The following ALKBH8 variants were observed in gnomAD, a reference collection of about 807,000 sequenced individuals.
The protein encoded by ALKBH8 is alkB homolog 8, tRNA methyltransferase.
ALKBH8 carries 36 observed loss-of-function variants against 59.8 expected under a neutral mutation model. The ratio of observed to expected loss-of-function variants is 0.60; its 90% CI spans 0.46 to 0.79. ALKBH8 has a LOEUF of 0.79. Ranked by LOEUF, ALKBH8 falls within the 30% of genes least tolerant of loss-of-function variation. The pLI, the probability that ALKBH8 is intolerant of heterozygous loss-of-function variation, is 0.00. For missense variants in ALKBH8, 768 were observed against 801.0 expected (o/e 0.96, Z 0.50); for synonymous variants, 276 against 273.6 (o/e 1.01, Z -0.09).
intron 10 of ALKBH8, among the ~76,000 whole-genome samples, chr11:107,514,288 T>G (rs1026335887): frequency 6.6e-6 from 1 of 152,024 alleles, no homozygotes; most frequent in Non-Finnish European, 1.5e-5. Context: ...CATTACAGAG[T>G]TTATGTTATA....
At chr11:107,539,106 T>TC (rs1863934517) in intron 7 of ALKBH8, among the ~76,000 whole-genome samples, 1 of 152,166 alleles carries the variant, frequency 6.6e-6, no homozygotes, top group African/African-American at 2.4e-5. Flanking sequence ...AAGAGGAAAT[T>TC]CCACAAAAGG....
At chr11:107,562,918 T>TGAGG (rs1864994563) in intron 1 of ALKBH8, 1 of 152,042 alleles carries the variant, frequency 6.6e-6, no homozygotes, top group South Asian at 2.1e-4. Flanking sequence ...TACCCAGATA[T>TGAGG]GAGGGAGACA....
At chr11:107,510,774 AAG>A in intron 11 of ALKBH8, 111 bp downstream of exon 11, 2 of 1,143,526 alleles carry the variant, frequency 1.7e-6, no homozygotes, top group Non-Finnish European at 2.4e-6. Flanking sequence ...GTGACAAGAA[AAG>A]AGAACGGAAA....
At chr11:107,549,724 G>C in intron 7 of ALKBH8, 29 bp downstream of exon 7, 1 of 1,455,272 alleles carries the variant, frequency 6.9e-7, no homozygotes, top group Non-Finnish European at 9.4e-7. Context: ...TAAGATATAT[G>C]ATGATAGCTA....
At position 107,522,495 on chromosome 11, in the gene ALKBH8, T is replaced by C; in HGVS notation, c.1091A>G (p.Asp364Gly). 1.3e-6 allele frequency: 2 copies of C among 1,551,694 alleles called. No homozygotes were observed. The highest frequency in any genetic ancestry group is 1.7e-6 in the Non-Finnish European group (2 of 1,146,976). The change falls in exon 10 of 12, where the codon GAT becomes GGT. Residue 364 changes from aspartate (D) to glycine (G), a missense_variant. Coordinates refer to ENST00000428149, the MANE Select transcript of ALKBH8 (RefSeq NM_138775.3). Reference sequence around the variant, plus strand: ...TTGCTCCAGCCGTGAGGCTTCTTTATCACTCTCTGGAAATGAGGGGGGAGT... The same window carrying C: ...TTGCTCCAGCCGTGAGGCTTCTTTACCACTCTCTGGAAATGAGGGGGGAGT... Reference protein sequence around the residue: ...KETPPSFPESDKEASRLEQEY... With the variant: ...KETPPSFPESGKEASRLEQEY...
At chr11:107,539,366 A>G (rs936748679) in intron 7 of ALKBH8, among the ~76,000 whole-genome samples, 8 of 152,134 alleles carry the variant, frequency 5.3e-5, no homozygotes, top group Admixed American at 3.3e-4. Context: ...TTGGGAGGCC[A>G]AGGTGGGCAG....
chr11:107,540,100 T>C (rs537513682), intron 7 of ALKBH8, among the ~76,000 whole-genome samples: 1 of 152,132 alleles, frequency 6.6e-6, no homozygotes, highest in African/African-American at 2.4e-5. Flanking sequence ...AGGCAGAACA[T>C]CGTTTGCCTC....
At chr11:107,525,350 G>GA (rs1330852594) in intron 9 of ALKBH8, 91 bp downstream of exon 9, 88 of 1,210,534 alleles carry the variant, frequency 7.3e-5, no homozygotes, top group Admixed American at 1.4e-4. Context: ...GAGAGATTCA[G>GA]AAAAAGCTCT....
intron 2 of ALKBH8, among the ~76,000 whole-genome samples, chr11:107,558,529 C>T (rs1212488992): frequency 6.6e-6 from 1 of 152,068 alleles, no homozygotes. Context: ...GGGTCCACTA[C>T]CCCATCTAGG....
intron 7 of ALKBH8, among the ~76,000 whole-genome samples, chr11:107,536,558 C>T (rs1161382848): frequency 6.6e-6 from 1 of 152,140 alleles, no homozygotes; most frequent in Non-Finnish European, 1.5e-5. Context: ...ACCAACTCCC[C>T]CCAGTCCCAT....
At chr11:107,523,759 T>G (rs538459071) in intron 9 of ALKBH8, among the ~76,000 whole-genome samples, 21 of 151,972 alleles carry the variant, frequency 1.4e-4, no homozygotes, top group Admixed American at 1.3e-4. Flanking sequence ...TGTGCCACCA[T>G]GCCTGGCCAA....
At chr11:107,523,416 G>A (rs755734559) in intron 9 of ALKBH8, among the ~76,000 whole-genome samples, 1 of 152,092 alleles carries the variant, frequency 6.6e-6, no homozygotes, top group Non-Finnish European at 1.5e-5. Context: ...TGATCTCACA[G>A]AATAGAGAGT....
chr11:107,521,072 T>C (rs1476126517), intron 10 of ALKBH8, among the ~76,000 whole-genome samples: 4 of 152,166 alleles, frequency 2.6e-5, no homozygotes, highest in Non-Finnish European at 5.9e-5. Flanking sequence ...AAATACTACA[T>C]AATTTTGTAT....
At chr11:107,528,025 G>C (rs1294582754) in intron 8 of ALKBH8, among the ~76,000 whole-genome samples, 1 of 151,914 alleles carries the variant, frequency 6.6e-6, no homozygotes, top group East Asian at 1.9e-4. Context: ...ATCATGAATG[G>C]GTACTAAATT....
At chr11:107,523,473 G>A (rs1023712213) in intron 9 of ALKBH8, among the ~76,000 whole-genome samples, 3 of 152,056 alleles carry the variant, frequency 2.0e-5, no homozygotes, top group East Asian at 1.9e-4. Context: ...GGTGGGAGCC[G>A]GGGAGATGCT....
chr11:107,510,781 C>T (rs867634907), intron 11 of ALKBH8, 106 bp downstream of exon 11: 8 of 1,193,460 alleles, frequency 6.7e-6, no homozygotes, highest in South Asian at 3.2e-5. Flanking sequence ...GAAAAGAGAA[C>T]GGAAAGAACT....
chr11:107,512,060 G>T (rs1309963332), intron 10 of ALKBH8, among the ~76,000 whole-genome samples: 1 of 152,084 alleles, frequency 6.6e-6, no homozygotes, highest in Non-Finnish European at 1.5e-5. Context: ...CCCTCAACAG[G>T]TGAGACCTAG....
At chr11:107,555,447 G>T (rs938014835) in intron 3 of ALKBH8, among the ~76,000 whole-genome samples, 2 of 152,092 alleles carry the variant, frequency 1.3e-5, no homozygotes, top group African/African-American at 4.8e-5. Context: ...GAGGACGGGG[G>T]TAAACCCAAT....
At chr11:107,522,066 A>G (rs1325990705) in intron 10 of ALKBH8, among the ~76,000 whole-genome samples, 1 of 152,198 alleles carries the variant, frequency 6.6e-6, no homozygotes, top group African/African-American at 2.4e-5. Context: ...TTTTACTGAT[A>G]AAATAATATG....
Sources: allele counts gnomAD v4.1 joint callset (sites outside exome capture counted in the v4.1 genomes callset), GRCh38; gene constraint gnomAD v4.1.1; transcripts MANE v1.5; gene names NCBI Gene and HGNC (gene_info 2026-07-23, HGNC 2026-07-21).